ENOX1: variants seen among roughly 807,000 people sequenced by gnomAD.
The protein encoded by ENOX1 is candidate growth-related and time keeping constitutive hydroquinone (NADH) oxidase.
ENOX1 carries 42 observed loss-of-function variants against 82.5 expected under a neutral mutation model. The ratio of observed to expected loss-of-function variants is 0.51; its 90% CI spans 0.40 to 0.66. The LOEUF is 0.66. Ranked by LOEUF, ENOX1 falls within the 30% of genes least tolerant of loss-of-function variation. The pLI is 0.00. For synonymous variants in ENOX1, 271 were observed against 282.2 expected, an observed-to-expected ratio of 0.96 and a Z score of 0.40; for missense variants, 608 against 811.6, an observed-to-expected ratio of 0.75 and a Z score of 3.05.
At chr13:43,638,735 G>C (rs1329019563) in intron 2 of ENOX1, among the ~76,000 whole-genome samples, 1 of 152,106 alleles carries the variant, frequency 6.6e-6, no homozygotes, top group Non-Finnish European at 1.5e-5. Context: ...GTGGTGGGGG[G>C]CAGTGCACAG....
chr13:43,272,294 C>A (rs189954112), intron 12 of ENOX1, among the ~76,000 whole-genome samples: 22 of 152,250 alleles, frequency 1.4e-4, no homozygotes, highest in Non-Finnish European at 2.9e-4. Context: ...TACAAGCCTG[C>A]AATGGAATAT....
chr13:43,266,207 G>A (rs767876270), intron 13 of ENOX1, among the ~76,000 whole-genome samples: 25 of 152,078 alleles, frequency 1.6e-4, no homozygotes, highest in Non-Finnish European at 4.4e-5. Flanking sequence ...GCTTGCAACT[G>A]TTTTGCCAGT....
intron 5 of ENOX1, among the ~76,000 whole-genome samples, chr13:43,395,559 C>T (rs912703997): frequency 6.6e-6 from 1 of 152,196 alleles, no homozygotes; most frequent in African/African-American, 2.4e-5. Context: ...ATATTATTAT[C>T]TAAAGTCCTT....
intron 2 of ENOX1, among the ~76,000 whole-genome samples, chr13:43,620,943 GT>G (rs1016444736): frequency 5.9e-5 from 9 of 152,188 alleles, no homozygotes; most frequent in African/African-American, 2.2e-4. Context: ...TTAGGTGCAT[GT>G]ATGTTTAGGA....
chr13:43,464,953 C>T (rs1335407424), intron 3 of ENOX1, among the ~76,000 whole-genome samples: 3 of 152,154 alleles, frequency 2.0e-5, no homozygotes, highest in African/African-American at 7.2e-5. Context: ...ATTTTTAAAG[C>T]ATGCCCTCAC....
At position 43,770,895 on chromosome 13, in the gene ENOX1, C is replaced by T. The variant is rs931796961; in HGVS notation, c.-285+15757G>A. On this transcript the variant is annotated intron_variant, in intron 1 of 16. Transcript: ENST00000690772. ...CTAGCTATTTACTGATTCTGTCTGT[C>T]TCTAGTGTGAAATAAATGGATGGCT... Among the ~76,000 whole-genome samples, 38 of 152,112 alleles carry T rather than the reference C, an allele frequency of 2.5e-4. 1 individual carries two copies. In the South Asian group the frequency reaches 7.9e-3, roughly 32 times the overall value.
intron 8 of ENOX1, among the ~76,000 whole-genome samples, chr13:43,352,451 C>A (rs1269332782): frequency 6.6e-6 from 1 of 152,200 alleles, no homozygotes; most frequent in Non-Finnish European, 1.5e-5. Context: ...ACACAGGGTT[C>A]CTCCAGGGGT....
At chr13:43,323,532 G>T (rs1421732449) in intron 10 of ENOX1, among the ~76,000 whole-genome samples, 2 of 152,106 alleles carry the variant, frequency 1.3e-5, no homozygotes, top group African/African-American at 2.4e-5. Context: ...TAATACTTAT[G>T]CTAAGTATTT....
chr13:43,361,494 C>A (rs1266362812), intron 5 of ENOX1, 42 bp from the exon 6 acceptor site: 1 of 1,557,230 alleles, frequency 6.4e-7, no homozygotes, highest in South Asian at 1.2e-5. Context: ...GAGATTAAAT[C>A]CATTTTTGTT....
At chr13:43,711,057 T>C (rs1334715773) in intron 1 of ENOX1, among the ~76,000 whole-genome samples, 4 of 146,018 alleles carry the variant, frequency 2.7e-5, no homozygotes, top group African/African-American at 1.0e-4. Flanking sequence ...CTCCAAATGC[T>C]ATCCCTCCCC....
At chr13:43,422,582 G>C (rs779280900) in intron 3 of ENOX1, among the ~76,000 whole-genome samples, 1 of 152,122 alleles carries the variant, frequency 6.6e-6, no homozygotes, top group Non-Finnish European at 1.5e-5. Context: ...AAATGGGTAA[G>C]GTTTTACCCA....
intron 14 of ENOX1, among the ~76,000 whole-genome samples, chr13:43,237,163 G>A (rs566357675): frequency 6.6e-6 from 1 of 152,328 alleles, no homozygotes; most frequent in African/African-American, 2.4e-5. Flanking sequence ...AGGGCCTATT[G>A]GGGAGCTAAG....
chr13:43,718,676 CAAAAAAAAAAAAAAAA>C (rs61671392), intron 1 of ENOX1, among the ~76,000 whole-genome samples: 3 of 55,588 alleles, frequency 5.4e-5, no homozygotes, highest in South Asian at 9.8e-4. Context: ...GACTCCGTCT[CAAAAAAAAAAAAAAAA>C]AAAAAAAAAA....
intron 5 of ENOX1, among the ~76,000 whole-genome samples, chr13:43,375,271 T>TGAGA (rs148509398): frequency 6.7e-6 from 1 of 149,292 alleles, no homozygotes; most frequent in Non-Finnish European, 1.5e-5. Flanking sequence ...GGGGGGTGAG[T>TGAGA]GAGAGAGAGA....
chr13:43,224,627 C>CCAA (rs991874431), intron 15 of ENOX1, among the ~76,000 whole-genome samples: 45 of 152,252 alleles, frequency 3.0e-4, no homozygotes, highest in Non-Finnish European at 1.2e-4. Flanking sequence ...CCCCAACTGC[C>CCAA]ATTGAAGGAA....
intron 12 of ENOX1, among the ~76,000 whole-genome samples, chr13:43,274,683 T>G (rs2044898182): frequency 6.6e-6 from 1 of 152,206 alleles, no homozygotes; most frequent in Non-Finnish European, 1.5e-5. Flanking sequence ...AGATGCACTA[T>G]TACATTCTTT....
At chr13:43,325,737 C>G (rs192350362) in intron 10 of ENOX1, among the ~76,000 whole-genome samples, 1 of 152,224 alleles carries the variant, frequency 6.6e-6, no homozygotes, top group East Asian at 1.9e-4. Context: ...TTTTAAATTA[C>G]AGGTTCAAAG....
At chr13:43,249,057 A>G (rs998071504) in intron 14 of ENOX1, among the ~76,000 whole-genome samples, 10 of 152,152 alleles carry the variant, frequency 6.6e-5, no homozygotes, top group Admixed American at 5.9e-4. Context: ...AATAATGACT[A>G]TCACAGTTCA....
chr13:43,434,828 C>G (rs548936277), intron 3 of ENOX1, among the ~76,000 whole-genome samples: 2 of 151,538 alleles, frequency 1.3e-5, no homozygotes, highest in African/African-American at 2.4e-5. Flanking sequence ...GGTACAGATA[C>G]AGCAAAAATT....
Sources: gnomAD v4.1 joint callset for allele counts (sites outside exome capture counted in the v4.1 genomes callset) on GRCh38, gnomAD v4.1.1 for gene constraint, MANE v1.5 for transcripts, NCBI Gene and HGNC (gene_info 2026-07-23, HGNC 2026-07-21) for gene names.